The following VPS50 variants were observed in gnomAD, a reference collection of about 807,000 sequenced individuals.
The protein encoded by VPS50 is VPS50 subunit of EARP/GARPII complex.
Under a neutral mutation model 139.7 loss-of-function variants are expected in VPS50, and 70 were observed. That is an observed-to-expected ratio of 0.50 (90% CI 0.41 to 0.61). The LOEUF is 0.61. Ranked by LOEUF, VPS50 falls within the 20% of genes least tolerant of loss-of-function variation. VPS50 has a pLI of 0.00. For synonymous variants in VPS50, 365 were observed against 376.7 expected (o/e 0.97, Z 0.36); for missense variants, 921 against 1,133.7 (o/e 0.81, Z 2.69).
rs1011709883 is a variant in VPS50, at chr7:93,232,384, T to C, written c.-84T>C. The C allele has an allele frequency of 1.7e-6, 2 of 1,180,956 alleles. No homozygotes were observed. The highest frequency in any genetic ancestry group is 2.5e-6 in the Non-Finnish European group (2 of 787,452). The allele number at this position is 1,180,956 out of a possible 1,614,324, so 73.2% of individuals were successfully genotyped here. A position where few individuals can be genotyped will look rare whatever the true frequency, so the allele number is the denominator to read the frequency against. On this transcript the variant is annotated 5_prime_UTR_variant, in exon 1 of 28. Coordinates refer to ENST00000305866, the MANE Select transcript of VPS50 (RefSeq NM_017667.4). Reference sequence around the variant, plus strand: ...CCTCCACGTGACCACCCACTATGGCTTCCTAGTGTCAGGGCCAGCTGTGTA... The same window carrying C: ...CCTCCACGTGACCACCCACTATGGCCTCCTAGTGTCAGGGCCAGCTGTGTA...
Position 93,305,979 on chromosome 7 carries a change from C to G in VPS50, c.1604C>G (p.Thr535Arg). 1 of 1,612,094 alleles carries G rather than the reference C, an allele frequency of 6.2e-7. No homozygotes were observed. The highest frequency in any genetic ancestry group is 1.1e-5 in the South Asian group (1 of 91,006). The change falls in exon 18 of 28, where the codon ACA becomes AGA. Residue 535 changes from threonine to arginine, a missense_variant. Physicochemically the swap from Thr to Arg is moderately conservative, Grantham distance 71. Coordinates refer to ENST00000305866, the MANE Select transcript of VPS50 (RefSeq NM_017667.4). ...CAGGCCAACCACAAAGATGAAGAAA[C>G]AGAAGATGTCTTAGCTTCTAATGGG... ...EIQANHKDEE[T>R]EDVLASNGYE...
chr7:93,235,464 G>A (rs949879428), intron 1 of VPS50, among the ~76,000 whole-genome samples: 1 of 152,184 alleles, frequency 6.6e-6, no homozygotes, highest in African/African-American at 2.4e-5. Context: ...AACCAGGGGA[G>A]GTGAATGATG....
Position 93,358,524 on chromosome 7 carries a change from T to C in VPS50, c.*88T>C. ...AGTTTTTTTATGCACTTCTGACAAC[T>C]ATCTGCTAAGAAAACTTTGTGCATG... On this transcript the variant is annotated 3_prime_UTR_variant, in exon 28 of 28. Transcript: ENST00000305866. 9.4e-7 allele frequency: 1 copy of C among 1,061,134 alleles called. No homozygotes were observed. The allele number at this position is 1,061,134 out of a possible 1,614,324, so 65.7% of individuals were successfully genotyped here. A position where few individuals can be genotyped will look rare whatever the true frequency, so the allele number is the denominator to read the frequency against.
Position 93,316,220 on chromosome 7 carries a change from C to T in VPS50, c.1855+4948C>T, listed in dbSNP as rs900617227. ...GTTTGCTGGAATGTAAGAAACATGA[C>T]GGGGCCTGGAGGCAGAAGCAGAGGA... is the stretch of plus-strand genomic sequence containing the variant. On this transcript the variant is annotated intron_variant, in intron 20 of 27. Transcript: ENST00000305866. Among the ~76,000 whole-genome samples the T allele has an allele frequency of 2.0e-5, 3 of 152,078 alleles. No individual in the cohort carries two copies. In the East Asian group the frequency reaches 5.8e-4, roughly 29 times the overall value.
chr7:93,310,056 A>G (rs1797223287), intron 19 of VPS50, among the ~76,000 whole-genome samples: 1 of 152,048 alleles, frequency 6.6e-6, no homozygotes, highest in African/African-American at 2.4e-5. Context: ...AGCATGATCT[A>G]CTGTGAACTG....
chr7:93,258,153 T>C lies in VPS50; in HGVS notation c.423-6T>C, dbSNP rs1325581522. On this transcript the variant is annotated splice_region_variant and splice_polypyrimidine_tract_variant and intron_variant, in intron 6 of 27. Coordinates refer to ENST00000305866, the MANE Select transcript of VPS50 (RefSeq NM_017667.4). ...ACTTTTAACTATTTATTGTTCACTT[T>C]TGCAGACACTTGAATATTGCAAAGG... 3.2e-6 allele frequency: 4 copies of C among 1,261,602 alleles called. No homozygotes were observed. The allele number at this position is 1,261,602 out of a possible 1,614,324, so 78.2% of individuals were successfully genotyped here.
At chr7:93,297,060 T>C in intron 15 of VPS50, 85 bp from the exon 16 acceptor site, 1 of 1,490,558 alleles carries the variant, frequency 6.7e-7, no homozygotes, top group Non-Finnish European at 8.8e-7. Flanking sequence ...AGTGATTTTT[T>C]TTATCTTTGA....
chr7:93,286,094 T>C lies in VPS50; in HGVS notation c.943-5609T>C, dbSNP rs1159320247. ...CCCTCACTTTACAGTCTTTGCTAAA[T>C]AAATTGAAGCTAATAGCTTTAAGTG... On this transcript the variant is annotated intron_variant, in intron 12 of 27. Transcript: ENST00000305866. Among the ~76,000 whole-genome samples the C allele has an allele frequency of 2.0e-5, 3 of 152,180 alleles. No individual in the cohort carries two copies. The East Asian group carries it at 5.8e-4, about 29-fold the overall frequency.
At chr7:93,345,006 CA>C in intron 23 of VPS50, among the ~76,000 whole-genome samples, 1 of 152,112 alleles carries the variant, frequency 6.6e-6, no homozygotes, top group East Asian at 1.9e-4. Context: ...AATAGAGACA[CA>C]AAAAACCCTT....
At chr7:93,253,722 A>G in intron 3 of VPS50, 138 bp from the exon 4 acceptor site, 1 of 532,784 alleles carries the variant, frequency 1.9e-6, no homozygotes. Flanking sequence ...TTGGGAGGAC[A>G]GGTGGCATGG....
chr7:93,269,267 G>C (rs1451081619), intron 9 of VPS50, among the ~76,000 whole-genome samples: 2 of 152,020 alleles, frequency 1.3e-5, no homozygotes, highest in African/African-American at 4.8e-5. Flanking sequence ...TTTGGCAGGA[G>C]TTGTCCTAGA....
intron 21 of VPS50, among the ~76,000 whole-genome samples, chr7:93,331,836 A>C (rs1014953656): frequency 6.6e-6 from 1 of 152,214 alleles, no homozygotes. Flanking sequence ...GAGAAAGGGC[A>C]TGTTTACACA....
At chr7:93,252,864 T>C in intron 3 of VPS50, 89 bp downstream of exon 3, 1 of 1,043,642 alleles carries the variant, frequency 9.6e-7, no homozygotes. Context: ...GAGGCATTTA[T>C]GTATTTTTGG....
chr7:93,293,978 A>G (rs1584437010), intron 13 of VPS50, among the ~76,000 whole-genome samples: 1 of 152,342 alleles, frequency 6.6e-6, no homozygotes, highest in Non-Finnish European at 1.5e-5. Context: ...TCTTTTTAAT[A>G]TAAATGTGTA....
At chr7:93,358,020 A>G (rs1287227946) in intron 27 of VPS50, among the ~76,000 whole-genome samples, 2 of 152,154 alleles carry the variant, frequency 1.3e-5, no homozygotes, top group Non-Finnish European at 2.9e-5. Flanking sequence ...AAACAAGTGT[A>G]AAGTGTGTGA....
chr7:93,333,972 G>A, intron 21 of VPS50, 145 bp from the exon 22 acceptor site: 1 of 632,532 alleles, frequency 1.6e-6, no homozygotes, highest in South Asian at 1.7e-5. Context: ...TTTGTTTGAT[G>A]TGCTAGAATT....
intron 12 of VPS50, among the ~76,000 whole-genome samples, chr7:93,287,152 A>G (rs1422285631): frequency 6.6e-6 from 1 of 152,004 alleles, no homozygotes; most frequent in East Asian, 1.9e-4. Context: ...TGCGTGTATC[A>G]TAGTCTTATG....
chr7:93,348,101 T>G (rs942597276), intron 23 of VPS50, among the ~76,000 whole-genome samples: 2 of 152,022 alleles, frequency 1.3e-5, no homozygotes, highest in Non-Finnish European at 2.9e-5. Flanking sequence ...CAATATAACA[T>G]AAGAGTTTTT....
rs747921293 is a variant in VPS50, at chr7:93,353,712, A to G, written c.2536A>G (p.Ile846Val). The G allele has an allele frequency of 2.5e-5, 41 of 1,612,340 alleles. No homozygotes were observed. Among genetic ancestry groups the G allele is most frequent in the Non-Finnish European group, 4.2e-6 (5 of 1,178,696 alleles). Reference sequence around the variant, plus strand: ...TCGCATACCCTTGCCTGTGTCTAATATACTTTGGGAACATTGTATACGATT... The same window carrying G: ...TCGCATACCCTTGCCTGTGTCTAATGTACTTTGGGAACATTGTATACGATT... ...RVRIPLPVSNILWEHCIRLAN... is the reference protein window; with the variant it reads ...RVRIPLPVSNVLWEHCIRLAN... The change falls in exon 26 of 28, where the codon ATA (isoleucine) becomes GTA (valine). Residue 846 changes from isoleucine to valine, a missense_variant. This residue lies in a region of VPS50 where 158 missense variants were observed against 156.3 expected (regional missense o/e 1.01). Coordinates refer to ENST00000305866, the MANE Select transcript of VPS50 (RefSeq NM_017667.4).
Sources: allele counts gnomAD v4.1 joint callset (sites outside exome capture counted in the v4.1 genomes callset), GRCh38; gene constraint gnomAD v4.1.1; regional missense constraint gnomAD v4.1.1; transcripts MANE v1.5; gene names NCBI Gene and HGNC (gene_info 2026-07-23, HGNC 2026-07-21).